NAALADL2: variants seen among roughly 807,000 people sequenced by gnomAD.
NAALADL2 encodes inactive N-acetylated-alpha-linked acidic dipeptidase-like protein 2.
A neutral mutation model predicts 87.2 loss-of-function variants in NAALADL2; 76 were observed. The observed-to-expected ratio is 0.87, with a 90% CI of 0.72 to 1.05. The LOEUF is 1.05. Ranked by LOEUF, NAALADL2 falls within the 50% of genes least tolerant of loss-of-function variation. NAALADL2 has a pLI of 0.00. For synonymous variants in NAALADL2, 354 were observed against 331.0 expected (o/e 1.07, Z -0.75); for missense variants, 1,089 against 945.8 (o/e 1.15, Z -1.99).
rs992789983 is a variant in NAALADL2 at position 175,629,043 on chromosome 3, G to C, written c.1896+1657G>C. Among the ~76,000 whole-genome samples, 6 of 149,782 alleles carry C rather than the reference G, an allele frequency of 4.0e-5. No individual in the cohort carries two copies. In the South Asian group the frequency reaches 1.3e-3, roughly 31 times the overall value. ...CTCCCTCCTTTGATCATATTTTTTT[G>C]TATATAACAGGATAGAAGTGCACAC... On this transcript the variant is annotated intron_variant, in intron 11 of 13. Coordinates refer to ENST00000454872, the MANE Select transcript of NAALADL2 (RefSeq NM_207015.3).
intron 2 of NAALADL2, among the ~76,000 whole-genome samples, chr3:174,703,166 G>T (rs536941193): frequency 2.6e-5 from 4 of 152,056 alleles, no homozygotes; most frequent in African/African-American, 9.7e-5. Context: ...TAGAGACAGG[G>T]TCTCACTTTG....
chr3:175,698,229 G>A (rs1200402933), intron 11 of NAALADL2, among the ~76,000 whole-genome samples: 3 of 40,746 alleles, frequency 7.4e-5, no homozygotes, highest in African/African-American at 2.9e-4. Flanking sequence ...GTGTATATAT[G>A]TATGTATACA....
chr3:174,805,134 A>G (rs1719308512), intron 3 of NAALADL2, among the ~76,000 whole-genome samples: 1 of 152,148 alleles, frequency 6.6e-6, no homozygotes, highest in Non-Finnish European at 1.5e-5. Context: ...AGCTGCTTCT[A>G]CTAGTAATTA....
intron 1 of NAALADL2, among the ~76,000 whole-genome samples, chr3:174,465,970 A>C (rs1057464226): frequency 6.6e-6 from 1 of 152,206 alleles, no homozygotes; most frequent in Non-Finnish European, 1.5e-5. Context: ...GGCTTAAATG[A>C]GGTAGAAGCT....
At chr3:175,429,170 T>G (rs1717312147) in intron 5 of NAALADL2, among the ~76,000 whole-genome samples, 1 of 124,922 alleles carries the variant, frequency 8.0e-6, no homozygotes, top group African/African-American at 3.3e-5. Context: ...TAGTAATATA[T>G]ATATGTACAC....
At chr3:175,314,595 AT>A (rs1758806332) in intron 4 of NAALADL2, among the ~76,000 whole-genome samples, 1 of 110,596 alleles carries the variant, frequency 9.0e-6, no homozygotes, top group East Asian at 2.6e-4. Context: ...ATATATATAT[AT>A]ATAGGCTATA....
In NAALADL2 at chr3:175,808,333, T is replaced by G. The variant is rs560255094; in HGVS notation, c.*5130T>G. On this transcript the variant is annotated 3_prime_UTR_variant, in exon 14 of 14. Coordinates refer to ENST00000454872, the MANE Select transcript of NAALADL2 (RefSeq NM_207015.3). ...TGGCTTCAAATTTTAGTGTTTCTGG[T>G]TACATTATTTTGTTTGAATTATACA... 4 of 152,038 alleles carry G rather than the reference T, an allele frequency of 2.6e-5. No homozygotes were observed. Among genetic ancestry groups the G allele is most frequent in the South Asian group, 4.1e-4 (2 of 4,826 alleles). 9.4% of individuals were successfully genotyped at this position (152,038 alleles called of 1,614,324 possible).
Position 175,233,982 on chromosome 3 carries a change from G to A in NAALADL2, c.597G>A (p.Lys199=). 6.2e-7 allele frequency: 1 copy of A among 1,608,638 alleles called. No individual in the cohort carries two copies. The highest frequency in any genetic ancestry group is 8.5e-7 in the Non-Finnish European group (1 of 1,175,232). The change falls in exon 3 of 14, where the codon AAG becomes AAA. Residue 199 remains lysine (K), a synonymous_variant. Transcript: ENST00000454872. ...KNEDDMEISK[K]IKTQWTSLGL... The stretch of plus-strand genomic sequence containing the variant: ...AAGATGACATGGAAATTTCAAAGAA[G>A]ATTAAGACTCAGTGGACCTCTTTGG...
chr3:175,636,185 G>A (rs141335413), intron 11 of NAALADL2, among the ~76,000 whole-genome samples: 1,595 of 149,078 alleles, frequency 0.011, 18 homozygotes, highest in Non-Finnish European at 0.017. Flanking sequence ...ATTGATCCTC[G>A]GAAAATCCTA....
At chr3:174,972,489 C>T (rs1743824077) in intron 1 of NAALADL2, among the ~76,000 whole-genome samples, 1 of 152,152 alleles carries the variant, frequency 6.6e-6, no homozygotes, top group South Asian at 2.1e-4. Flanking sequence ...TTTCTCTACA[C>T]CTGCATCCTT....
In NAALADL2 at chr3:175,467,075, G is replaced by A. The variant is rs372908344; in HGVS notation, c.1424G>A (p.Arg475His). The part of the protein sequence containing the change: ...SSTAIITAFI[R>H]ALMSKVKRGW... Reference sequence around the variant, plus strand: ...ACTGCAATAATCACAGCGTTTATCCGTGCCTTGATGTCAAAAGTTAAGAGA... The same window carrying A: ...ACTGCAATAATCACAGCGTTTATCCATGCCTTGATGTCAAAAGTTAAGAGA... Residue 475 changes from arginine (R) to histidine (H), a missense_variant, in exon 8 of 14, where the codon CGT becomes CAT. By Grantham distance (29) the Arg-to-His change is conservative. Transcript: ENST00000454872. The A allele has an allele frequency of 6.3e-5, 102 of 1,613,814 alleles. No individual in the cohort carries two copies. In the East Asian group the frequency reaches 1.0e-3, roughly 17 times the overall value.
Position 175,467,096 on chromosome 3 carries a change from A to T in NAALADL2, c.1445A>T (p.Lys482Met). 6.2e-7 allele frequency: 1 copy of T among 1,613,960 alleles called. No individual in the cohort carries two copies. Among genetic ancestry groups the T allele is most frequent in the Non-Finnish European group, 8.5e-7 (1 of 1,179,836 alleles). ...AFIRALMSKV[K>M]RGWRPDRTIV... ...ATCCGTGCCTTGATGTCAAAAGTTAAGAGAGGGTGGAGACCAGACCGAACT... is the reference window on the plus strand; with the variant it reads ...ATCCGTGCCTTGATGTCAAAAGTTATGAGAGGGTGGAGACCAGACCGAACT... The change falls in exon 8 of 14, where the codon AAG (lysine) becomes ATG (methionine). Residue 482 changes from lysine to methionine, a missense_variant. Physicochemically the swap from Lys to Met is moderately conservative, Grantham distance 95. Coordinates refer to ENST00000454872, the MANE Select transcript of NAALADL2 (RefSeq NM_207015.3).
chr3:174,489,962 A>G (rs1718081646), intron 1 of NAALADL2, among the ~76,000 whole-genome samples: 1 of 152,152 alleles, frequency 6.6e-6, no homozygotes. Flanking sequence ...GGGAATATAA[A>G]CTGGTCCAGC....
intron 1 of NAALADL2, among the ~76,000 whole-genome samples, chr3:174,498,620 A>G (rs1428281054): frequency 6.7e-6 from 1 of 150,094 alleles, no homozygotes. Flanking sequence ...TAAACTATAT[A>G]TAAACATATA....
chr3:175,133,105 C>G (rs1167546104), intron 2 of NAALADL2, among the ~76,000 whole-genome samples: 4 of 150,744 alleles, frequency 2.7e-5, no homozygotes, highest in Non-Finnish European at 3.0e-5. Flanking sequence ...CAGAGGCGCT[C>G]CCCACATCTC....
Position 175,639,318 on chromosome 3 carries a change from CTTTTTTT to C in NAALADL2, c.1896+11946_1896+11952del, listed in dbSNP as rs756214274. 9.3e-4 allele frequency among the ~76,000 whole-genome samples: 101 copies of C among 108,720 alleles called. 2 individuals are homozygous for C. Among genetic ancestry groups the C allele is most frequent in the African/African-American group, 3.7e-3 (90 of 24,172 alleles). 71.3% of individuals were successfully genotyped at this position (108,720 alleles called of 152,430 possible). On this transcript the variant is annotated intron_variant, in intron 11 of 13. Coordinates refer to ENST00000454872, the MANE Select transcript of NAALADL2 (RefSeq NM_207015.3). ...GCAGTTTTTTTTCAAAAGCGTTATT[CTTTTTTT>C]TTTTTTTTTTTTTGAGACGGAGTCT...
chr3:174,590,392 T>C (rs1307826663), intron 2 of NAALADL2, among the ~76,000 whole-genome samples: 1 of 152,166 alleles, frequency 6.6e-6, no homozygotes, highest in Non-Finnish European at 1.5e-5. Context: ...AGATACTGTA[T>C]AAGGCTTGCA....
intron 3 of NAALADL2, among the ~76,000 whole-genome samples, chr3:174,802,917 C>A (rs6445181): frequency 0.12 from 17,571 of 152,024 alleles, 1,257 homozygotes; most frequent in African/African-American, 0.2. Context: ...AGTCTTTGCT[C>A]TTGTGAATAG....
At chr3:174,671,967 G>GAT (rs1326730791) in intron 2 of NAALADL2, among the ~76,000 whole-genome samples, 121 of 150,382 alleles carry the variant, frequency 8.0e-4, no homozygotes, top group Middle Eastern at 3.4e-3. Context: ...TGATGACAGT[G>GAT]GTGATGATGG....
Sources: allele counts gnomAD v4.1 joint callset (sites outside exome capture counted in the v4.1 genomes callset), GRCh38; gene constraint gnomAD v4.1.1; transcripts MANE v1.5; gene names NCBI Gene and HGNC (gene_info 2026-07-23, HGNC 2026-07-21).